MTCL1: variants seen among roughly 807,000 people sequenced by gnomAD.
The protein encoded by MTCL1 is microtubule cross-linking factor 1.
In MTCL1, 79 loss-of-function variants were observed where a neutral mutation model predicts 141.4. The observed-to-expected ratio is 0.56, with a 90% confidence interval of 0.47 to 0.67. The LOEUF (loss-of-function observed/expected upper bound fraction) is 0.67. Among genes scored for constraint, MTCL1 ranks in the 30% least tolerant of loss-of-function variants. The pLI is 0.00. For synonymous variants in MTCL1, 914 were observed against 875.8 expected, an observed-to-expected ratio of 1.04 and a Z score of -0.77; for missense variants, 2,177 against 2,113.9, an observed-to-expected ratio of 1.03 and a Z score of -0.59.
chr18:8,767,291 C>G (rs2096463957), intron 4 of MTCL1, among the ~76,000 whole-genome samples: 1 of 152,164 alleles, frequency 6.6e-6, no homozygotes, highest in African/African-American at 2.4e-5. Context: ...TAATGCTAGC[C>G]AGTGATGCTT....
chr18:8,734,437 G>A (rs2096266236), intron 4 of MTCL1, among the ~76,000 whole-genome samples: 1 of 152,012 alleles, frequency 6.6e-6, no homozygotes, highest in African/African-American at 2.4e-5. Context: ...ACCCTGCTCC[G>A]GAGCCATCCC....
At chr18:8,763,238 C>G (rs921565735) in intron 4 of MTCL1, among the ~76,000 whole-genome samples, 1 of 152,212 alleles carries the variant, frequency 6.6e-6, no homozygotes, top group Admixed American at 6.5e-5. Context: ...GGTTAGAAAT[C>G]AAGGAAGAGG....
At chr18:8,759,038 C>G (rs960846159) in intron 4 of MTCL1, among the ~76,000 whole-genome samples, 1 of 152,154 alleles carries the variant, frequency 6.6e-6, no homozygotes, top group Non-Finnish European at 1.5e-5. Flanking sequence ...TGGAGAGCAT[C>G]CTGGAGGAAA....
At chr18:8,767,563 G>A (rs1041261548) in intron 4 of MTCL1, among the ~76,000 whole-genome samples, 1 of 152,196 alleles carries the variant, frequency 6.6e-6, no homozygotes, top group Non-Finnish European at 1.5e-5. Flanking sequence ...GTGGCACAGA[G>A]CTAATCCTGC....
chr18:8,787,648 A>T (rs1341509266), intron 7 of MTCL1, among the ~76,000 whole-genome samples: 1 of 152,250 alleles, frequency 6.6e-6, no homozygotes, highest in Non-Finnish European at 1.5e-5. Flanking sequence ...AAAAATCTCC[A>T]TAGTGAAAGG....
At position 8,830,838 on chromosome 18, in the gene MTCL1, A is replaced by G; in HGVS notation, c.*19-769A>G. ...AAGGACAAGGAGCTCAACATTCTTT[A>G]AAAACAAAGTAGCTTGAGAATAAGG... On this transcript the variant is annotated intron_variant, in intron 16 of 16. Transcript: ENST00000359865. This position sits in a 1 kb window ranked among gnomAD's most constrained non-coding sequence, Gnocchi z 6.4. The G allele has an allele frequency of 1.0e-6, 1 of 985,434 alleles. No homozygotes were observed. Among genetic ancestry groups the G allele is most frequent in the Non-Finnish European group, 1.2e-6 (1 of 829,924 alleles). The allele number at this position is 985,434 out of a possible 1,614,324, so 61.0% of individuals were successfully genotyped here.
intron 4 of MTCL1, among the ~76,000 whole-genome samples, chr18:8,773,351 A>G (rs1265177132): frequency 1.3e-5 from 2 of 152,110 alleles, no homozygotes; most frequent in Non-Finnish European, 2.9e-5. Context: ...TTTTGAGTCT[A>G]TAAATGTCTA....
intron 4 of MTCL1, among the ~76,000 whole-genome samples, chr18:8,760,499 C>T (rs2096426395): frequency 1.3e-5 from 2 of 152,230 alleles, no homozygotes; most frequent in Non-Finnish European, 2.9e-5. Flanking sequence ...GGGGTGGCCC[C>T]ACTCACCTGC....
chr18:8,783,537 G>A (rs2096539937), exon 6 of MTCL1: 1 of 1,600,122 alleles, frequency 6.2e-7, no homozygotes, highest in Non-Finnish European at 8.6e-7. Context: ...CAGGATGACA[G>A]TGCCGATTTG....
In MTCL1 at chr18:8,705,677, GC is replaced by G; in HGVS notation, c.21del (p.Ala8ArgfsTer179). On this transcript the variant is annotated frameshift_variant, in exon 1 of 14. Transcript: ENST00000306329. LOFTEE classifies it high-confidence loss of function. The surrounding 1 kb of genome is among the most constrained non-coding windows in gnomAD (Gnocchi z 5.2). ...GACCCGGCCATGGAGACACTGAACG[GC>G]CCCGCGGGCGGAGGTGCCCCGGACG... 1 of 1,201,642 alleles carries G rather than the reference GC, an allele frequency of 8.3e-7. No homozygotes were observed. 74.4% of individuals were successfully genotyped at this position (1,201,642 alleles called of 1,614,324 possible).
chr18:8,789,643 CAAGT>C (rs2075649708), intron 7 of MTCL1: 2 of 985,312 alleles, frequency 2.0e-6, no homozygotes, highest in Non-Finnish European at 2.4e-6. Flanking sequence ...GCCTCGGAAA[CAAGT>C]GAGGGTGGTG....
chr18:8,767,012 G>A (rs2096462821), intron 4 of MTCL1, among the ~76,000 whole-genome samples: 2 of 152,360 alleles, frequency 1.3e-5, no homozygotes, highest in South Asian at 4.1e-4. Context: ...GTAGGAGCAG[G>A]TTGCATCCTG....
chr18:8,800,270 G>A (rs912976514), intron 10 of MTCL1, among the ~76,000 whole-genome samples: 3 of 152,158 alleles, frequency 2.0e-5, no homozygotes, highest in Admixed American at 6.5e-5. Flanking sequence ...CCGAAACGCC[G>A]AGCACCTCGC....
intron 4 of MTCL1, among the ~76,000 whole-genome samples, chr18:8,743,957 A>G (rs113522585): frequency 2.6e-5 from 4 of 152,366 alleles, no homozygotes; most frequent in African/African-American, 9.6e-5. Flanking sequence ...ACATTTGCAT[A>G]GTTGAGAAAC....
intron 4 of MTCL1, among the ~76,000 whole-genome samples, chr18:8,748,026 C>T (rs1398547927): frequency 6.6e-6 from 1 of 152,110 alleles, no homozygotes; most frequent in Non-Finnish European, 1.5e-5. Context: ...CATGTTGGTG[C>T]CCCTGGTCTT....
At chr18:8,734,178 T>C (rs1177172397) in intron 4 of MTCL1, among the ~76,000 whole-genome samples, 7 of 151,998 alleles carry the variant, frequency 4.6e-5, no homozygotes, top group African/African-American at 1.5e-4. Flanking sequence ...ACGGTGTTCC[T>C]AGCCTCTGCC....
chr18:8,743,002 CTG>C (rs2096313256), intron 4 of MTCL1, among the ~76,000 whole-genome samples: 1 of 152,320 alleles, frequency 6.6e-6, no homozygotes, highest in Admixed American at 6.5e-5. Context: ...ACAATTAAAA[CTG>C]TATCACCTTA....
chr18:8,732,350 A>G (rs7229461), intron 4 of MTCL1, among the ~76,000 whole-genome samples: 121,523 of 152,088 alleles, frequency 0.8, 48,860 homozygotes, highest in East Asian at 0.96. Context: ...GAGCTCAAAC[A>G]ATCCTCCCAC....
exon 13 of MTCL1, chr18:8,819,236 G>A: frequency 1.2e-6 from 2 of 1,614,200 alleles, no homozygotes; most frequent in Non-Finnish European, 1.7e-6. Flanking sequence ...GCCCGAGAGG[G>A]AGTTCAGGAA....
Sources: allele counts gnomAD v4.1 joint callset (sites outside exome capture counted in the v4.1 genomes callset), GRCh38; gene constraint gnomAD v4.1.1; non-coding constraint Gnocchi (gnomAD v3.1); transcripts MANE v1.5; gene names NCBI Gene and HGNC (gene_info 2026-07-23, HGNC 2026-07-21).